Variants in TRAF6 observed in about 807,000 individuals in gnomAD.
TRAF6 encodes TNF receptor-associated factor 6.
In TRAF6, 10 loss-of-function variants were observed where a neutral mutation model predicts 48.4. The ratio of observed to expected loss-of-function variants is 0.21; its 90% CI spans 0.13 to 0.35. The LOEUF is 0.35. Among genes scored for constraint, TRAF6 ranks in the 10% least tolerant of loss-of-function variants. The pLI, the probability that TRAF6 is intolerant of heterozygous loss-of-function variation, is 1.00. For missense variants in TRAF6, 397 were observed against 661.0 expected, an observed-to-expected ratio of 0.60 and a Z score of 4.38; for synonymous variants, 186 against 219.6, an observed-to-expected ratio of 0.85 and a Z score of 1.35.
rs1859584784 is a variant in TRAF6 at position 36,493,045 on chromosome 11, ATGACCACCTCTCAAAAATCATCTT to A, written c.679-441_679-418del. On this transcript the variant is annotated intron_variant, in intron 5 of 6. Transcript: ENST00000526995. ...CACTGACTACACCCATACTTGCCTC[ATGACCACCTCTCAAAAATCATCTT>A]TGACCACCTTTCAACAATCTTCTTA... 3.3e-5 allele frequency among the ~76,000 whole-genome samples: 5 copies of A among 152,290 alleles called. No individual in the cohort carries two copies. The South Asian group carries it at 1.0e-3, about 32-fold the overall frequency.
chr11:36,497,225 G>C lies in TRAF6; in HGVS notation c.489C>G (p.Pro163=), dbSNP rs1859650464. 2.5e-6 allele frequency: 4 copies of C among 1,613,508 alleles called. No homozygotes were observed. Among genetic ancestry groups the C allele is most frequent in the Non-Finnish European group, 3.4e-6 (4 of 1,179,900 alleles). ...ATTTTTGGAAGGGACGCTGGCATTG[G>C]GGACAATCCATAAGAGCAAACTCAC... ...AHCEFALMDC[P]QCQRPFQKFH... The change falls in exon 4 of 7, where the codon CCC becomes CCG. Residue 163 remains proline, a synonymous_variant. Transcript: ENST00000526995.
chr11:36,502,909 T>C (rs1468237810), intron 1 of TRAF6, among the ~76,000 whole-genome samples: 1 of 152,216 alleles, frequency 6.6e-6, no homozygotes, highest in Non-Finnish European at 1.5e-5. Context: ...GCAAAGCACT[T>C]AGAACAGTGC....
rs1368669123 is a variant in TRAF6 at position 36,487,996 on chromosome 11, T to C, written c.*1842A>G. ...ATAAGCCAACAAAAAGTTTAGTATA[T>C]TTCCTTCAGGCTTTTTCTACGCAAA... is the stretch of plus-strand genomic sequence containing the variant. On this transcript the variant is annotated 3_prime_UTR_variant, in exon 7 of 7. Coordinates refer to ENST00000526995, the MANE Select transcript of TRAF6 (RefSeq NM_004620.4). 6.6e-6 allele frequency: 1 copy of C among 152,308 alleles called. No individual in the cohort carries two copies. Among genetic ancestry groups the C allele is most frequent in the East Asian group, 1.9e-4 (1 of 5,184 alleles). The allele number at this position is 152,308 out of a possible 1,614,324, so 9.4% of individuals were successfully genotyped here.
intron 1 of TRAF6, among the ~76,000 whole-genome samples, chr11:36,505,402 C>T (rs1590645926): frequency 1.3e-5 from 2 of 152,284 alleles, no homozygotes; most frequent in East Asian, 3.9e-4. Context: ...TTCCTTAAAC[C>T]TCATAAACCA....
rs200882261 is a variant in TRAF6, at chr11:36,494,993, T to C, written c.661A>G (p.Ile221Val). The change falls in exon 5 of 7, where the codon ATA becomes GTA. Residue 221 changes from isoleucine to valine, a missense_variant. By Grantham distance (29) the Ile-to-Val change is conservative. Transcript: ENST00000526995. ...AATAATACCTGTTCTCTGATGAGTATAGTATTGCAGTATTCACAGATGACA... is the reference window on the plus strand; with the variant it reads ...AATAATACCTGTTCTCTGATGAGTACAGTATTGCAGTATTCACAGATGACA... Reference protein sequence around the residue: ...ANVICEYCNTILIREQMPNHY... With the variant: ...ANVICEYCNTVLIREQMPNHY... 73 of 1,602,240 alleles carry C rather than the reference T, an allele frequency of 4.6e-5. No individual in the cohort carries two copies. In the Admixed American group the frequency reaches 7.2e-4, roughly 16 times the overall value.
In TRAF6 at chr11:36,484,154, C is replaced by T. The variant is rs1859448558; in HGVS notation, c.*5684G>A. On this transcript the variant is annotated 3_prime_UTR_variant, in exon 7 of 7. Transcript: ENST00000526995. ...GGTTTCACTGCCATTAGGAGCAGGG[C>T]TTGTTTTATGCGCTCCGTGCATGCT... Among the ~76,000 whole-genome samples the T allele has an allele frequency of 6.6e-6, 1 of 152,202 alleles. No homozygotes were observed. The highest frequency in any genetic ancestry group is 1.5e-5 in the Non-Finnish European group (1 of 68,028).
Position 36,492,618 on chromosome 11 carries a change from T to C in TRAF6, c.689A>G (p.His230Arg). Residue 230 changes from histidine to arginine, a missense_variant, in exon 6 of 7, where the codon CAT becomes CGT. By Grantham distance (29) the His-to-Arg change is conservative. Around this residue, in one of 4 missense-constraint regions of TRAF6, gnomAD observed 245 missense variants for 349.1 expected, o/e 0.70. Coordinates refer to ENST00000526995, the MANE Select transcript of TRAF6 (RefSeq NM_004620.4). ...TILIREQMPNHYDLDCPTAPI... is the reference protein window; with the variant it reads ...TILIREQMPNRYDLDCPTAPI... ...GGCTGTAGGGCAGTCTAGATCATAA[T>C]GATTAGGCATCTGAAATCCAAAACA... 1 of 1,607,722 alleles carries C rather than the reference T, an allele frequency of 6.2e-7. No individual in the cohort carries two copies. The highest frequency in any genetic ancestry group is 8.5e-7 in the Non-Finnish European group (1 of 1,178,282).
chr11:36,505,155 C>T (rs1859768153), intron 1 of TRAF6, among the ~76,000 whole-genome samples: 1 of 152,172 alleles, frequency 6.6e-6, no homozygotes, highest in Non-Finnish European at 1.5e-5. Flanking sequence ...CTAACAAAAA[C>T]GTCATCAGCC....
Position 36,485,987 on chromosome 11 carries a change from G to C in TRAF6, c.*3851C>G, listed in dbSNP as rs1190842322. ...TATGGCTCCTTTTCATTTCCTTAAG[G>C]CATTGCACTGTTTAGGTTGTAAGCA... On this transcript the variant is annotated 3_prime_UTR_variant, in exon 7 of 7. Transcript: ENST00000526995. 6.6e-6 allele frequency among the ~76,000 whole-genome samples: 1 copy of C among 152,002 alleles called. No individual in the cohort carries two copies. Among genetic ancestry groups the C allele is most frequent in the Non-Finnish European group, 1.5e-5 (1 of 68,008 alleles).
At position 36,497,141 on chromosome 11, in the gene TRAF6, G is replaced by A; in HGVS notation, c.573C>T (p.Asn191=). The change falls in exon 4 of 7, where the codon AAC becomes AAT. Residue 191 remains asparagine, a synonymous_variant. Coordinates refer to ENST00000526995, the MANE Select transcript of TRAF6 (RefSeq NM_004620.4). ...CTTCAAATGCCATTGATGCAGCACAGTTGTCACAAGAAACCTGTCTCCTTG... is the reference window on the plus strand; with the variant it reads ...CTTCAAATGCCATTGATGCAGCACAATTGTCACAAGAAACCTGTCTCCTTG... ...DCPRRQVSCD[N]CAASMAFEDK... 1 of 1,613,796 alleles carries A rather than the reference G, an allele frequency of 6.2e-7. No individual in the cohort carries two copies. The highest frequency in any genetic ancestry group is 8.5e-7 in the Non-Finnish European group (1 of 1,179,936).
chr11:36,502,628 C>T (rs541186521), intron 1 of TRAF6, among the ~76,000 whole-genome samples: 1 of 152,226 alleles, frequency 6.6e-6, no homozygotes, highest in East Asian at 1.9e-4. Flanking sequence ...ATCCTTTTAC[C>T]ACTACAAATA....
intron 2 of TRAF6, among the ~76,000 whole-genome samples, chr11:36,499,061 T>C (rs1490647784): frequency 4.6e-5 from 7 of 152,176 alleles, no homozygotes; most frequent in Non-Finnish European, 1.0e-4. Context: ...TATAATGCAA[T>C]TGCTCAGTCA....
At chr11:36,501,602 A>G in intron 1 of TRAF6, 65 bp from the exon 2 acceptor site, 2 of 1,194,856 alleles carry the variant, frequency 1.7e-6, no homozygotes, top group Admixed American at 2.7e-5. Context: ...CCACACATAT[A>G]TATCATAGCT....
rs1458927061 is a variant in TRAF6, at chr11:36,486,221, T to A, written c.*3617A>T. Among the ~76,000 whole-genome samples, 1 of 152,040 alleles carries A rather than the reference T, an allele frequency of 6.6e-6. No individual in the cohort carries two copies. ...CACCTGGCTAATTTTTGTATTTTTA[T>A]AGAGATGGGGTTTCACCATTTTGGC... On this transcript the variant is annotated 3_prime_UTR_variant, in exon 7 of 7. Transcript: ENST00000526995.
At chr11:36,505,459 T>A (rs1356550901) in intron 1 of TRAF6, among the ~76,000 whole-genome samples, 3 of 152,206 alleles carry the variant, frequency 2.0e-5, no homozygotes, top group Admixed American at 2.0e-4. Context: ...CTCACCTCTC[T>A]CAAACTTTAC....
At chr11:36,509,862 G>A (rs759978076) in intron 1 of TRAF6, among the ~76,000 whole-genome samples, 186 bp downstream of exon 1, 22 of 151,882 alleles carry the variant, frequency 1.4e-4, no homozygotes, top group Non-Finnish European at 2.9e-4. Context: ...GAAGCAAGCG[G>A]GTAGGGGCGG....
At chr11:36,505,450 T>C (rs1252811833) in intron 1 of TRAF6, among the ~76,000 whole-genome samples, 1 of 152,216 alleles carries the variant, frequency 6.6e-6, no homozygotes, top group Non-Finnish European at 1.5e-5. Flanking sequence ...TGCAGCTTCC[T>C]CACCTCTCTC....
Position 36,485,139 on chromosome 11 carries a change from T to C in TRAF6, c.*4699A>G, listed in dbSNP as rs950674191. Among the ~76,000 whole-genome samples, 9 of 152,148 alleles carry C rather than the reference T, an allele frequency of 5.9e-5. No homozygotes were observed. Among genetic ancestry groups the C allele is most frequent in the Non-Finnish European group, 7.3e-5 (5 of 68,038 alleles). On this transcript the variant is annotated 3_prime_UTR_variant, in exon 7 of 7. Coordinates refer to ENST00000526995, the MANE Select transcript of TRAF6 (RefSeq NM_004620.4). The stretch of plus-strand genomic sequence containing the variant: ...TAATATTACTGCAGATTCTAGGTCG[T>C]AGATGTTCACTATACAAGTCTTTCA...
At chr11:36,507,073 A>C (rs978107526) in intron 1 of TRAF6, among the ~76,000 whole-genome samples, 6 of 150,928 alleles carry the variant, frequency 4.0e-5, no homozygotes, top group African/African-American at 1.5e-4. Context: ...TTGTATATAT[A>C]CGTATATACA....
Sources: allele counts gnomAD v4.1 joint callset (sites outside exome capture counted in the v4.1 genomes callset), GRCh38; gene constraint gnomAD v4.1.1; regional missense constraint gnomAD v4.1.1; transcripts MANE v1.5; gene names NCBI Gene and HGNC (gene_info 2026-07-23, HGNC 2026-07-21).